Variants in ETF1 observed in about 807,000 individuals in gnomAD.
The protein encoded by ETF1 is eukaryotic peptide chain release factor subunit 1.
Under a neutral mutation model 55.1 loss-of-function variants are expected in ETF1, and 4 were observed. The ratio of observed to expected loss-of-function variants is 0.07; its 90% confidence interval spans 0.04 to 0.17. ETF1 has a LOEUF of 0.17. Among genes scored for constraint, ETF1 ranks in the 10% least tolerant of loss-of-function variants. The pLI is 1.00. For missense variants in ETF1, 142 were observed against 523.6 expected (o/e 0.27, Z 7.11); for synonymous variants, 157 against 182.3 (o/e 0.86, Z 1.12).
intron 4 of ETF1, among the ~76,000 whole-genome samples, chr5:138,514,309 T>C (rs1764928024): frequency 1.3e-5 from 2 of 152,182 alleles, no homozygotes; most frequent in South Asian, 4.1e-4. Context: ...ATCCCAGCAC[T>C]ATGGGAGGCT....
chr5:138,513,954 T>C, intron 4 of ETF1: 5 of 905,344 alleles, frequency 5.5e-6, no homozygotes, highest in Non-Finnish European at 6.6e-6. Flanking sequence ...GACATGGGCA[T>C]GTAAATATAA....
chr5:138,510,358 A>AG (rs1764722970), intron 9 of ETF1, among the ~76,000 whole-genome samples: 2 of 3,700 alleles, frequency 5.4e-4, no homozygotes, highest in Admixed American at 5.4e-3. Flanking sequence ...ACCTTGTCTC[A>AG]AAAAAAAAAA....
intron 2 of ETF1, among the ~76,000 whole-genome samples, chr5:138,541,230 T>C (rs1422189278): frequency 6.6e-6 from 1 of 152,224 alleles, no homozygotes. Flanking sequence ...TCGTGACCTA[T>C]GTTACCCTTT....
At chr5:138,540,100 G>A (rs548835883) in intron 2 of ETF1, among the ~76,000 whole-genome samples, 1 of 152,208 alleles carries the variant, frequency 6.6e-6, no homozygotes, top group East Asian at 1.9e-4. Context: ...TTAAATTTGG[G>A]TCATATATCA....
chr5:138,521,330 G>A (rs1377254157), intron 2 of ETF1, among the ~76,000 whole-genome samples: 1 of 152,148 alleles, frequency 6.6e-6, no homozygotes, highest in Non-Finnish European at 1.5e-5. Flanking sequence ...GGAGTAAGGT[G>A]GAACTAGGCA....
chr5:138,542,047 G>A (rs1188501957), intron 2 of ETF1, among the ~76,000 whole-genome samples: 4 of 152,096 alleles, frequency 2.6e-5, no homozygotes, highest in Non-Finnish European at 5.9e-5. Context: ...CCTCTCTACA[G>A]CGATATCCCC....
At chr5:138,536,875 A>G (rs1765958013) in intron 2 of ETF1, among the ~76,000 whole-genome samples, 1 of 152,156 alleles carries the variant, frequency 6.6e-6, no homozygotes, top group African/African-American at 2.4e-5. Flanking sequence ...AAAGGGTCCA[A>G]CTGGTGTGGA....
intron 2 of ETF1, 49 bp downstream of exon 2, chr5:138,542,784 G>C (rs762087077): frequency 6.2e-6 from 10 of 1,604,020 alleles, no homozygotes; most frequent in South Asian, 1.1e-5. Context: ...TCCATCCTGA[G>C]GGGTCCGGGA....
rs1314350318 is a variant in ETF1, at chr5:138,541,442, G to A, written c.86+1391C>T. Reference sequence around the variant, plus strand: ...GTGAGCACAAGCCCGTCACTGAATGGGGCCAAACTTTTAGAAGCCTCATTC... The same window carrying A: ...GTGAGCACAAGCCCGTCACTGAATGAGGCCAAACTTTTAGAAGCCTCATTC... On this transcript the variant is annotated intron_variant, in intron 2 of 10. Coordinates refer to ENST00000360541, the MANE Select transcript of ETF1 (RefSeq NM_004730.4). 4.8e-6 allele frequency: 5 copies of A among 1,045,830 alleles called. No individual in the cohort carries two copies. In the Admixed American group the frequency reaches 6.2e-5, roughly 13 times the overall value. 64.8% of individuals were successfully genotyped at this position (1,045,830 alleles called of 1,614,324 possible).
chr5:138,513,769 C>G (rs1764906902), intron 4 of ETF1, 63 bp from the exon 5 acceptor site: 7 of 1,549,868 alleles, frequency 4.5e-6, no homozygotes, highest in Non-Finnish European at 6.1e-6. Flanking sequence ...CAAAAAAACT[C>G]TGAAAGGATA....
chr5:138,515,053 C>T (rs1764961600), intron 4 of ETF1, among the ~76,000 whole-genome samples: 1 of 152,160 alleles, frequency 6.6e-6, no homozygotes. Context: ...AAGAAAATAG[C>T]CCCTTCAATA....
intron 6 of ETF1, among the ~76,000 whole-genome samples, chr5:138,512,362 T>C (rs547497667): frequency 7.1e-4 from 106 of 149,442 alleles, no homozygotes; most frequent in African/African-American, 2.5e-3. Flanking sequence ...TGTTATAAAA[T>C]GTGCTTTAAA....
At chr5:138,510,528 T>G (rs1333354746) in intron 9 of ETF1, 37 bp downstream of exon 9, 8 of 1,499,052 alleles carry the variant, frequency 5.3e-6, no homozygotes, top group Non-Finnish European at 6.5e-6. Context: ...GGATTTACGC[T>G]TGCACGTATC....
chr5:138,508,231 A>T lies in ETF1; in HGVS notation c.*74T>A. ...AATTGTAAGGCAGGGATCTGTTTGG[A>T]TTCCACCATGGGTATGCTCCTTGGG... On this transcript the variant is annotated 3_prime_UTR_variant, in exon 11 of 11. Transcript: ENST00000360541. The T allele has an allele frequency of 6.6e-7, 1 of 1,517,452 alleles. No homozygotes were observed. Among genetic ancestry groups the T allele is most frequent in the Non-Finnish European group, 9.0e-7 (1 of 1,115,222 alleles). 94.0% of individuals were successfully genotyped at this position (1,517,452 alleles called of 1,614,324 possible). A position where few individuals can be genotyped will look rare whatever the true frequency, so the allele number is the denominator to read the frequency against.
chr5:138,534,716 A>G (rs1765842370), intron 2 of ETF1, among the ~76,000 whole-genome samples: 1 of 152,260 alleles, frequency 6.6e-6, no homozygotes, highest in Non-Finnish European at 1.5e-5. Context: ...TCAGCAAAAG[A>G]AATACTTGCC....
intron 5 of ETF1, chr5:138,513,289 T>C: frequency 1.2e-6 from 1 of 849,488 alleles, no homozygotes; most frequent in Non-Finnish European, 1.4e-6. Flanking sequence ...TGGAGTGCAG[T>C]GGCGCAATCT....
chr5:138,521,160 G>A (rs1489415963), intron 2 of ETF1, among the ~76,000 whole-genome samples: 1 of 152,164 alleles, frequency 6.6e-6, no homozygotes, highest in Admixed American at 6.5e-5. Flanking sequence ...TTAAAGGAAG[G>A]AAATTCTGAC....
At chr5:138,540,066 A>C (rs1766110337) in intron 2 of ETF1, among the ~76,000 whole-genome samples, 1 of 152,202 alleles carries the variant, frequency 6.6e-6, no homozygotes, top group African/African-American at 2.4e-5. Context: ...CCCATTTTGC[A>C]GGTGGTTCCT....
intron 2 of ETF1, chr5:138,542,627 C>T (rs1766230755): frequency 7.0e-7 from 1 of 1,423,556 alleles, no homozygotes; most frequent in Non-Finnish European, 9.2e-7. Flanking sequence ...GAGCGCGGGC[C>T]CCTTACCCCC....
Sources: gnomAD v4.1 joint callset for allele counts (sites outside exome capture counted in the v4.1 genomes callset) on GRCh38, gnomAD v4.1.1 for gene constraint, MANE v1.5 for transcripts, NCBI Gene and HGNC (gene_info 2026-07-23, HGNC 2026-07-21) for gene names.